DLGAP4: variants seen among roughly 807,000 people sequenced by gnomAD.
DLGAP4 encodes disks large-associated protein 4.
In DLGAP4, 18 loss-of-function variants were observed where a neutral mutation model predicts 86.9. That is an observed-to-expected ratio of 0.21 (90% CI 0.14 to 0.31). The LOEUF (loss-of-function observed/expected upper bound fraction) is 0.31. Among genes scored for constraint, DLGAP4 ranks in the 10% least tolerant of loss-of-function variants. DLGAP4 has a pLI of 1.00. For synonymous variants in DLGAP4, 548 were observed against 574.3 expected (o/e 0.95, Z 0.65); for missense variants, 1,085 against 1,362.6 (o/e 0.80, Z 3.21).
intron 3 of DLGAP4, among the ~76,000 whole-genome samples, chr20:36,434,839 G>A (rs2033226646): frequency 6.6e-6 from 1 of 152,196 alleles, no homozygotes. Context: ...CCCTTGGGCA[G>A]TGTGCATGTG....
intron 7 of DLGAP4, among the ~76,000 whole-genome samples, chr20:36,456,179 A>G (rs2033874404): frequency 6.6e-6 from 1 of 152,162 alleles, no homozygotes; most frequent in South Asian, 2.1e-4. Flanking sequence ...ACACATTTAC[A>G]GATATTTCAC....
At chr20:36,310,195 AGAAAGAAAGAAAGAAAGAAAGAAAGAAAG>A in intron 1 of DLGAP4, among the ~76,000 whole-genome samples, 1 of 1,124 alleles carries the variant, frequency 8.9e-4, no homozygotes, top group African/African-American at 2.4e-3. Context: ...AAAGAAAGAA[AGAAAGAAAGAAAGAAAGAAAGAAAGAAAG>A]AAAGAAAGAA....
chr20:36,435,181 C>G lies in DLGAP4; in HGVS notation c.1000-928C>G, dbSNP rs117091547. ...GAGGGGCATGGGGCATATGCTTGTT[C>G]TGTACATTTTGAGATATGTGTACAG... On this transcript the variant is annotated intron_variant, in intron 3 of 12. Transcript: ENST00000339266. 2.8e-4 allele frequency among the ~76,000 whole-genome samples: 42 copies of G among 152,164 alleles called. No homozygotes were observed. The East Asian group carries it at 7.9e-3, about 29-fold the overall frequency.
chr20:36,490,253 G>A (rs2035602885), intron 7 of DLGAP4, among the ~76,000 whole-genome samples: 1 of 152,200 alleles, frequency 6.6e-6, no homozygotes, highest in South Asian at 2.1e-4. Context: ...CAGAGAAGTG[G>A]CTTTGAGAAG....
chr20:36,505,439 A>T lies in DLGAP4; in HGVS notation c.2512+4828A>T, dbSNP rs552168543. Among the ~76,000 whole-genome samples the T allele has an allele frequency of 3.9e-5, 6 of 152,046 alleles. No individual in the cohort carries two copies. In the South Asian group the frequency reaches 1.3e-3, roughly 32 times the overall value. ...AGCTGACTGGCAGTTTTGTGTGGGT[A>T]GGGCTTGTTTTAAGTAGGCTTTCTA... On this transcript the variant is annotated intron_variant, in intron 10 of 12. Transcript: ENST00000339266.
intron 2 of DLGAP4, among the ~76,000 whole-genome samples, chr20:36,411,002 G>GT (rs1251460581): frequency 1.3e-5 from 2 of 151,972 alleles, no homozygotes; most frequent in Non-Finnish European, 2.9e-5. Context: ...GTTTTGTTTT[G>GT]TTTTTTGAGA....
intron 4 of DLGAP4, among the ~76,000 whole-genome samples, chr20:36,436,721 C>G (rs2033292775): frequency 6.6e-6 from 1 of 151,784 alleles, no homozygotes; most frequent in Non-Finnish European, 1.5e-5. Context: ...GAGGCTGAGA[C>G]AGGAGAATCG....
chr20:36,324,640 G>T (rs2065199678), intron 1 of DLGAP4, among the ~76,000 whole-genome samples: 1 of 152,188 alleles, frequency 6.6e-6, no homozygotes, highest in Non-Finnish European at 1.5e-5. Flanking sequence ...AACCATAAAT[G>T]TGAGATTTGT....
intron 2 of DLGAP4, among the ~76,000 whole-genome samples, chr20:36,388,696 A>G (rs1204502397): frequency 2.6e-5 from 4 of 152,190 alleles, no homozygotes; most frequent in African/African-American, 9.6e-5. Context: ...AATTGGGGTA[A>G]TAGACCCTCT....
At chr20:36,359,556 C>T (rs546492204) in intron 1 of DLGAP4, among the ~76,000 whole-genome samples, 68 of 152,166 alleles carry the variant, frequency 4.5e-4, no homozygotes, top group Admixed American at 1.0e-3. Flanking sequence ...CCTGCTCAGC[C>T]ATTTGCTTGC....
chr20:36,472,735 C>A (rs1309850718), intron 7 of DLGAP4, among the ~76,000 whole-genome samples: 1 of 152,094 alleles, frequency 6.6e-6, no homozygotes, highest in Non-Finnish European at 1.5e-5. Context: ...GGGTTAAAAA[C>A]CAAAGTGAAA....
At chr20:36,360,942 A>G (rs1364213600) in intron 1 of DLGAP4, among the ~76,000 whole-genome samples, 1 of 152,018 alleles carries the variant, frequency 6.6e-6, no homozygotes, top group Non-Finnish European at 1.5e-5. Flanking sequence ...GATGAGCCTC[A>G]GGTTCAGAGG....
intron 1 of DLGAP4, among the ~76,000 whole-genome samples, chr20:36,310,397 C>T (rs940706177): frequency 6.6e-5 from 10 of 151,998 alleles, no homozygotes; most frequent in Non-Finnish European, 1.3e-4. Context: ...CAGTCATGGT[C>T]GGCATCCACT....
At chr20:36,451,453 C>T (rs569460943) in intron 7 of DLGAP4, among the ~76,000 whole-genome samples, 40 of 151,740 alleles carry the variant, frequency 2.6e-4, no homozygotes, top group Non-Finnish European at 4.4e-4. Context: ...CAGGTTCAAG[C>T]GATTCTCATG....
At chr20:36,462,684 AG>A (rs2147622828) in intron 7 of DLGAP4, 1 of 1,511,758 alleles carries the variant, frequency 6.6e-7, no homozygotes, top group African/African-American at 1.4e-5. Context: ...CGCTGGGGCA[AG>A]GGCTGGCGCT....
intron 7 of DLGAP4, among the ~76,000 whole-genome samples, chr20:36,456,019 C>T (rs1304976055): frequency 1.3e-5 from 2 of 152,172 alleles, no homozygotes; most frequent in Non-Finnish European, 2.9e-5. Context: ...TCTCTGATCC[C>T]TGGAGCTCAG....
chr20:36,384,083 A>AGGG (rs2031507986), intron 2 of DLGAP4, among the ~76,000 whole-genome samples: 1 of 150,944 alleles, frequency 6.6e-6, no homozygotes, highest in Non-Finnish European at 1.5e-5. Context: ...AAAAAAAAGA[A>AGGG]GCTTTCATTG....
chr20:36,499,523 T>C (rs2036041031), intron 8 of DLGAP4, 65 bp from the exon 9 acceptor site: 2 of 1,506,184 alleles, frequency 1.3e-6, no homozygotes, highest in East Asian at 4.6e-5. Flanking sequence ...CAGCAGCAAG[T>C]GTGGTGTTTG....
intron 7 of DLGAP4, among the ~76,000 whole-genome samples, chr20:36,486,277 A>G (rs1183098059): frequency 6.6e-6 from 1 of 152,204 alleles, no homozygotes; most frequent in African/African-American, 2.4e-5. Flanking sequence ...GACCAAAGAC[A>G]TGTGAGCTAA....
Sources: gnomAD v4.1 joint callset for allele counts (sites outside exome capture counted in the v4.1 genomes callset) on GRCh38, gnomAD v4.1.1 for gene constraint, MANE v1.5 for transcripts, NCBI Gene and HGNC (gene_info 2026-07-23, HGNC 2026-07-21) for gene names.